The following ZMYND8 variants were observed in gnomAD, a reference collection of about 807,000 sequenced individuals.
The protein encoded by ZMYND8 is zinc finger MYND-type containing 8.
In ZMYND8, 37 loss-of-function variants were observed where a neutral mutation model predicts 140.8. The ratio of observed to expected loss-of-function variants is 0.26; its 90% CI spans 0.20 to 0.35. The LOEUF (loss-of-function observed/expected upper bound fraction) is 0.35. Ranked by LOEUF, ZMYND8 falls within the 10% of genes least tolerant of loss-of-function variation. ZMYND8 has a pLI of 1.00. For synonymous variants in ZMYND8, 592 were observed against 597.1 expected (o/e 0.99, Z 0.12); for missense variants, 1,068 against 1,570.0 (o/e 0.68, Z 5.40).
intron 16 of ZMYND8, among the ~76,000 whole-genome samples, chr20:47,232,661 C>T (rs557926966): frequency 6.6e-6 from 1 of 152,276 alleles, no homozygotes; most frequent in East Asian, 1.9e-4. Context: ...TAGGCCTCAG[C>T]TTTCCCATTC....
intron 12 of ZMYND8, among the ~76,000 whole-genome samples, chr20:47,255,594 G>GTGTATA (rs1555924059): frequency 2.4e-5 from 3 of 124,316 alleles, no homozygotes; most frequent in Non-Finnish European, 3.3e-5. Flanking sequence ...GTGTGTGTGT[G>GTGTATA]TATATATATA....
chr20:47,322,438 CTTTTTTTTTTT>C (rs1166725847), intron 2 of ZMYND8, among the ~76,000 whole-genome samples: 1 of 120,770 alleles, frequency 8.3e-6, no homozygotes, highest in African/African-American at 3.1e-5. Flanking sequence ...GATGGCATTT[CTTTTTTTTTTT>C]TTTTTTTTTC....
chr20:47,297,430 TTC>T (rs1307565267), intron 4 of ZMYND8, among the ~76,000 whole-genome samples: 1 of 152,064 alleles, frequency 6.6e-6, no homozygotes, highest in Non-Finnish European at 1.5e-5. Context: ...CCTTTTTTTT[TTC>T]TTTTTTTGAG....
In ZMYND8 at chr20:47,255,757, TATATATAC is replaced by T. The variant is rs1442015346; in HGVS notation, c.1622-6326_1622-6319del. 1.6e-3 allele frequency among the ~76,000 whole-genome samples: 178 copies of T among 108,282 alleles called. 3 individuals are homozygous for T. The highest frequency in any genetic ancestry group is 8.0e-3 in the African/African-American group (166 of 20,686). 71.0% of individuals were successfully genotyped at this position (108,282 alleles called of 152,430 possible). ...ATATATATATATATATATATATATA[TATATATAC>T]GGTATATATATATATTTGTATGTGT... On this transcript the variant is annotated intron_variant, in intron 12 of 22. Coordinates refer to ENST00000471951, the MANE Select transcript of ZMYND8 (RefSeq NM_001281775.3).
At chr20:47,282,707 G>C (rs1448687876) in intron 9 of ZMYND8, among the ~76,000 whole-genome samples, 1 of 146,408 alleles carries the variant, frequency 6.8e-6, no homozygotes, top group African/African-American at 2.6e-5. Flanking sequence ...CAGGGCGACA[G>C]ATCGAAACTC....
At chr20:47,254,578 G>A (rs1305043554) in intron 12 of ZMYND8, among the ~76,000 whole-genome samples, 1 of 152,214 alleles carries the variant, frequency 6.6e-6, no homozygotes, top group Non-Finnish European at 1.5e-5. Flanking sequence ...CCTGTTTCAT[G>A]AAAAAGCAAA....
At chr20:47,301,387 C>T (rs2078036513) in intron 3 of ZMYND8, among the ~76,000 whole-genome samples, 1 of 151,934 alleles carries the variant, frequency 6.6e-6, no homozygotes, top group Admixed American at 6.6e-5. Context: ...AACTCCTGAC[C>T]TCAGGTGATC....
chr20:47,355,338 T>A, intron 1 of ZMYND8: 1 of 570,364 alleles, frequency 1.8e-6, no homozygotes, highest in Non-Finnish European at 2.2e-6. Flanking sequence ...ATTTTGTTCC[T>A]GCTAATGAAG....
chr20:47,246,390 T>C lies in ZMYND8; in HGVS notation c.1902A>G (p.Pro634=), dbSNP rs148546175. 325 of 1,614,044 alleles carry C rather than the reference T, an allele frequency of 2.0e-4. No homozygotes were observed. Among genetic ancestry groups the C allele is most frequent in the Non-Finnish European group, 2.2e-4 (265 of 1,180,048 alleles). The change falls in exon 14 of 23, where the codon CCA becomes CCG. Residue 634 remains proline (P), a synonymous_variant. Coordinates refer to ENST00000471951, the MANE Select transcript of ZMYND8 (RefSeq NM_001281775.3). ...AACCTTCTTTGTCCTCTGTGTCTTC[T>C]GGCTCGTTCTTAGACTTCTGCTCAT... The part of the protein sequence containing the change: ...SDDEQKSKNE[P]EDTEDKEGCQ...
In ZMYND8 at chr20:47,220,128, G is replaced by C; in HGVS notation, c.3484+130C>G. The C allele has an allele frequency of 5.3e-6, 4 of 757,304 alleles. No homozygotes were observed. In the South Asian group the frequency reaches 5.7e-5, roughly 11 times the overall value. The allele number at this position is 757,304 out of a possible 1,614,324, so 46.9% of individuals were successfully genotyped here. ...CCTCACCCCCACTGACCCACCCCAG[G>C]CACCCCTAAGGATCCATAATCGTTT... On this transcript the variant is annotated intron_variant, in intron 21 of 22. Coordinates refer to ENST00000471951, the MANE Select transcript of ZMYND8 (RefSeq NM_001281775.3).
chr20:47,301,406 T>C (rs896090282), intron 3 of ZMYND8, among the ~76,000 whole-genome samples: 1 of 152,170 alleles, frequency 6.6e-6, no homozygotes, highest in Admixed American at 6.5e-5. Flanking sequence ...TCTGTCCGTC[T>C]CTGCCTCCCA....
intron 19 of ZMYND8, among the ~76,000 whole-genome samples, chr20:47,223,617 G>T (rs149906607): frequency 6.8e-4 from 104 of 152,148 alleles, no homozygotes; most frequent in African/African-American, 2.2e-3. Flanking sequence ...CTGAGGTCAG[G>T]AGTTAAAGAC....
intron 12 of ZMYND8, among the ~76,000 whole-genome samples, chr20:47,252,883 C>A (rs1284361229): frequency 6.6e-6 from 1 of 152,302 alleles, no homozygotes; most frequent in Non-Finnish European, 1.5e-5. Context: ...CAGGCCACTG[C>A]ACTCCAGACT....
At chr20:47,268,175 C>T (rs1243063275) in intron 11 of ZMYND8, among the ~76,000 whole-genome samples, 2 of 152,142 alleles carry the variant, frequency 1.3e-5, no homozygotes, top group East Asian at 3.9e-4. Context: ...CAAACAATGA[C>T]GAGGCCGGTC....
rs2077819011 is a variant in ZMYND8 at position 47,298,951 on chromosome 20, A to G, written c.235-4T>C. On this transcript the variant is annotated splice_region_variant and splice_polypyrimidine_tract_variant and intron_variant, in intron 3 of 22. Transcript: ENST00000471951. This position sits in a 1 kb window ranked among gnomAD's most constrained non-coding sequence, Gnocchi z 5.0. Reference sequence around the variant, plus strand: ...ACGGACCATGTCTTAGTTCTGACTGAAATGTAGGCAAAAAGACAGGTTTGG... The same window carrying G: ...ACGGACCATGTCTTAGTTCTGACTGGAATGTAGGCAAAAAGACAGGTTTGG... 1 of 1,612,822 alleles carries G rather than the reference A, an allele frequency of 6.2e-7. No individual in the cohort carries two copies. The highest frequency in any genetic ancestry group is 1.7e-5 in the Admixed American group (1 of 59,978).
intron 11 of ZMYND8, among the ~76,000 whole-genome samples, chr20:47,273,316 C>T (rs140599834): frequency 1.3e-3 from 193 of 152,140 alleles, no homozygotes; most frequent in African/African-American, 4.4e-3. Context: ...GAGACTGAGG[C>T]GGGTGGATTA....
chr20:47,222,811 C>G (rs747917432), intron 19 of ZMYND8, among the ~76,000 whole-genome samples: 1 of 152,346 alleles, frequency 6.6e-6, no homozygotes, highest in East Asian at 1.9e-4. Flanking sequence ...AATAAAATAA[C>G]AGATTTGTCT....
Position 47,253,529 on chromosome 20 carries a change from T to A in ZMYND8, c.1622-4090A>T, listed in dbSNP as rs1445276502. On this transcript the variant is annotated intron_variant, in intron 12 of 22. Transcript: ENST00000471951. ...TCCAGCCTGGGCAACAGAATGAGAC[T>A]CCATCTCAAAAAAAAAAAAAAAAAA... Among the ~76,000 whole-genome samples the A allele has an allele frequency of 3.0e-5, 3 of 99,602 alleles. No homozygotes were observed. In the Admixed American group the frequency reaches 3.2e-4, roughly 11 times the overall value. 65.3% of individuals were successfully genotyped at this position (99,602 alleles called of 152,430 possible).
At chr20:47,335,091 A>T (rs1000144881) in intron 2 of ZMYND8, among the ~76,000 whole-genome samples, 3 of 151,880 alleles carry the variant, frequency 2.0e-5, no homozygotes, top group African/African-American at 7.2e-5. Flanking sequence ...ACAAAAAAAT[A>T]TAAACATTAG....
Sources: gnomAD v4.1 joint callset for allele counts (sites outside exome capture counted in the v4.1 genomes callset) on GRCh38, gnomAD v4.1.1 for gene constraint, Gnocchi (gnomAD v3.1) non-coding constraint, MANE v1.5 for transcripts, NCBI Gene and HGNC (gene_info 2026-07-23, HGNC 2026-07-21) for gene names.